The following STXBP5L variants were observed in gnomAD, a reference collection of about 807,000 sequenced individuals.
The protein encoded by STXBP5L is syntaxin binding protein 5L, also known as syntaxin-binding protein 5-like.
Under a neutral mutation model 144.5 loss-of-function variants are expected in STXBP5L, and 65 were observed. The observed-to-expected ratio is 0.45, with a 90% CI of 0.37 to 0.55. STXBP5L has a LOEUF of 0.55. STXBP5L is among the 20% of genes least tolerant of loss of function. The probability of loss-of-function intolerance (pLI) is 0.00; values close to 1 mark genes in which losing one functional copy is unlikely to be tolerated. For synonymous variants in STXBP5L, 505 were observed against 469.6 expected, an observed-to-expected ratio of 1.08 and a Z score of -0.97; for missense variants, 1,298 against 1,405.5, an observed-to-expected ratio of 0.92 and a Z score of 1.22.
Position 121,169,314 on chromosome 3 carries a change from G to C in STXBP5L, c.877+11687G>C, listed in dbSNP as rs138726245. Among the ~76,000 whole-genome samples the C allele has an allele frequency of 4.2e-3, 647 of 152,250 alleles. 5 individuals are homozygous for C. The highest frequency in any genetic ancestry group is 0.015 in the African/African-American group (617 of 41,552). ...CAAAATAAACAGCCAGCGTCATAAA[G>C]ACAGGATCAAATTCACACATAACAA... On this transcript the variant is annotated intron_variant, in intron 9 of 26. Transcript: ENST00000471454.
intron 9 of STXBP5L, among the ~76,000 whole-genome samples, chr3:121,161,552 CAT>C (rs376647286): frequency 1.1e-4 from 16 of 150,654 alleles, no homozygotes; most frequent in South Asian, 2.1e-4. Context: ...CCAAGATTCT[CAT>C]ATATATATAT....
At chr3:121,404,450 G>T (rs987603624) in intron 22 of STXBP5L, among the ~76,000 whole-genome samples, 1 of 152,048 alleles carries the variant, frequency 6.6e-6, no homozygotes, top group Non-Finnish European at 1.5e-5. Flanking sequence ...CACCCAGGAG[G>T]TAGGGTGATT....
At chr3:121,249,579 G>A (rs2108359567) in intron 14 of STXBP5L, among the ~76,000 whole-genome samples, 1 of 152,168 alleles carries the variant, frequency 6.6e-6, no homozygotes, top group Middle Eastern at 3.4e-3. Flanking sequence ...ATGAGTTCCA[G>A]TATCCTTTTT....
At chr3:121,373,520 A>G (rs1296156467) in intron 20 of STXBP5L, among the ~76,000 whole-genome samples, 3 of 152,134 alleles carry the variant, frequency 2.0e-5, no homozygotes, top group African/African-American at 7.2e-5. Context: ...CATCTCCAAC[A>G]TCCCTCCACA....
At chr3:121,062,088 T>C (rs1277986302) in intron 5 of STXBP5L, among the ~76,000 whole-genome samples, 1 of 152,220 alleles carries the variant, frequency 6.6e-6, no homozygotes, top group Non-Finnish European at 1.5e-5. Context: ...GGTATGTTTT[T>C]GCAGGTGCTG....
intron 14 of STXBP5L, among the ~76,000 whole-genome samples, chr3:121,241,876 A>T (rs1156729983): frequency 6.6e-6 from 1 of 152,186 alleles, no homozygotes; most frequent in East Asian, 1.9e-4. Flanking sequence ...AAAGAAAAAA[A>T]ATCTGGAAAG....
chr3:121,105,778 G>T (rs929112685), intron 5 of STXBP5L, among the ~76,000 whole-genome samples: 2 of 151,906 alleles, frequency 1.3e-5, no homozygotes, highest in African/African-American at 2.4e-5. Flanking sequence ...CATATTTTGA[G>T]GTTATTTTAT....
At chr3:121,123,966 A>AT (rs2044592168) in intron 7 of STXBP5L, among the ~76,000 whole-genome samples, 1 of 151,552 alleles carries the variant, frequency 6.6e-6, no homozygotes, top group Non-Finnish European at 1.5e-5. Context: ...ATACAATTCT[A>AT]TTTTTTTCTA....
intron 9 of STXBP5L, among the ~76,000 whole-genome samples, chr3:121,167,843 T>C (rs1039483240): frequency 9.2e-5 from 14 of 152,104 alleles, no homozygotes; most frequent in African/African-American, 3.4e-4. Flanking sequence ...AAGGGTCAGA[T>C]TGCCTCCTCA....
At chr3:121,391,555 C>A (rs1190054139) in intron 22 of STXBP5L, among the ~76,000 whole-genome samples, 1 of 152,054 alleles carries the variant, frequency 6.6e-6, no homozygotes, top group Non-Finnish European at 1.5e-5. Context: ...TGTTGGTGAC[C>A]TAGAGATGGA....
chr3:121,248,231 T>G (rs2049918762), intron 14 of STXBP5L, among the ~76,000 whole-genome samples: 3 of 152,084 alleles, frequency 2.0e-5, no homozygotes, highest in East Asian at 1.9e-4. Flanking sequence ...GCCTGGCTAA[T>G]TTTTGCACTT....
chr3:121,412,583 T>C (rs576840983), intron 23 of STXBP5L, among the ~76,000 whole-genome samples: 2 of 152,130 alleles, frequency 1.3e-5, no homozygotes, highest in Admixed American at 6.6e-5. Flanking sequence ...CTCCTTTTAT[T>C]ATCACCCTCA....
intron 2 of STXBP5L, among the ~76,000 whole-genome samples, chr3:120,932,089 A>G (rs565346787): frequency 6.4e-4 from 98 of 152,312 alleles, no homozygotes; most frequent in Non-Finnish European, 9.9e-4. Context: ...GTAGGCAGGT[A>G]TAACAGAATG....
chr3:121,239,579 A>G (rs2108331952), intron 13 of STXBP5L, among the ~76,000 whole-genome samples: 1 of 151,646 alleles, frequency 6.6e-6, no homozygotes, highest in South Asian at 2.1e-4. Flanking sequence ...GAAATTGGAA[A>G]GCATCATTCT....
intron 3 of STXBP5L, among the ~76,000 whole-genome samples, chr3:120,990,667 A>C (rs966800792): frequency 6.6e-6 from 1 of 152,218 alleles, no homozygotes; most frequent in East Asian, 1.9e-4. Context: ...GCCCTCAGAA[A>C]TAATGCCGGA....
chr3:121,393,225 G>A (rs765038984), intron 22 of STXBP5L, among the ~76,000 whole-genome samples: 1 of 149,432 alleles, frequency 6.7e-6, no homozygotes, highest in Non-Finnish European at 1.5e-5. Flanking sequence ...ATTTGTATGT[G>A]TTGTTTTGAA....
intron 7 of STXBP5L, among the ~76,000 whole-genome samples, chr3:121,147,762 G>A (rs919676841): frequency 6.6e-6 from 1 of 152,144 alleles, no homozygotes; most frequent in African/African-American, 2.4e-5. Context: ...TTCCTAATGC[G>A]AGTGGGTCTC....
At chr3:121,008,684 T>A (rs1466544399) in intron 3 of STXBP5L, among the ~76,000 whole-genome samples, 2 of 152,054 alleles carry the variant, frequency 1.3e-5, no homozygotes, top group South Asian at 2.1e-4. Context: ...GCTTTTAGCT[T>A]ATGTGATAAT....
At chr3:121,396,642 G>T (rs2046737104) in intron 22 of STXBP5L, among the ~76,000 whole-genome samples, 1 of 152,238 alleles carries the variant, frequency 6.6e-6, no homozygotes, top group Non-Finnish European at 1.5e-5. Flanking sequence ...GGTAAGTTGG[G>T]CATCACTGGA....
Sources: gnomAD v4.1 joint callset for allele counts (sites outside exome capture counted in the v4.1 genomes callset) on GRCh38, gnomAD v4.1.1 for gene constraint, MANE v1.5 for transcripts, NCBI Gene and HGNC (gene_info 2026-07-23, HGNC 2026-07-21) for gene names.